The following DST variants were observed in gnomAD, a reference collection of about 807,000 sequenced individuals.
DST encodes the protein dystonin.
In DST, 253 loss-of-function variants were observed where a neutral mutation model predicts 875.2. That is an observed-to-expected ratio of 0.29 (90% confidence interval 0.26 to 0.32). The LOEUF (loss-of-function observed/expected upper bound fraction) is 0.32. DST is among the 10% of genes least tolerant of loss of function. DST has a pLI of 1.00. For missense variants in DST, 8,287 were observed against 9,111.6 expected (o/e 0.91, Z 3.68); for synonymous variants, 3,124 against 3,197.1 (o/e 0.98, Z 0.77).
At chr6:56,862,477 G>C (rs941190655) in intron 3 of DST, among the ~76,000 whole-genome samples, 1 of 152,060 alleles carries the variant, frequency 6.6e-6, no homozygotes, top group African/African-American at 2.4e-5. Flanking sequence ...TGGCAGCAGA[G>C]GCGTCTGGAA....
chr6:56,835,955 C>A (rs996709123), intron 4 of DST, among the ~76,000 whole-genome samples: 7 of 152,152 alleles, frequency 4.6e-5, no homozygotes, highest in African/African-American at 7.2e-5. Context: ...AAAAACAGTT[C>A]TTTTCAAAAT....
intron 50 of DST, among the ~76,000 whole-genome samples, chr6:56,575,312 CA>C (rs1324580513): frequency 2.0e-5 from 3 of 152,082 alleles, no homozygotes; most frequent in Non-Finnish European, 4.4e-5. Flanking sequence ...CAGCATCATA[CA>C]ATATACCTTT....
intron 5 of DST, among the ~76,000 whole-genome samples, chr6:56,732,322 T>C (rs2099502990): frequency 4.6e-5 from 7 of 152,234 alleles, no homozygotes; most frequent in Admixed American, 3.9e-4. Flanking sequence ...TATCCCCCAG[T>C]TATGGCTTTT....
chr6:56,843,480 G>A, intron 4 of DST: 1 of 992,688 alleles, frequency 1.0e-6, no homozygotes, highest in Non-Finnish European at 1.2e-6. Context: ...AGCGGGGCGT[G>A]CGGCGAGGGC....
intron 5 of DST, among the ~76,000 whole-genome samples, chr6:56,726,520 T>C (rs1196683949): frequency 6.6e-6 from 1 of 152,228 alleles, no homozygotes; most frequent in Non-Finnish European, 1.5e-5. Context: ...AACTTCCTAC[T>C]ACCTAGCTAT....
At chr6:56,878,539 C>T (rs1293923819) in intron 3 of DST, among the ~76,000 whole-genome samples, 1 of 151,966 alleles carries the variant, frequency 6.6e-6, no homozygotes, top group Non-Finnish European at 1.5e-5. Context: ...GAAGGAGGGA[C>T]CAAACAGATG....
chr6:56,708,212 T>A (rs578009083), intron 5 of DST, among the ~76,000 whole-genome samples: 51 of 152,316 alleles, frequency 3.3e-4, no homozygotes, highest in African/African-American at 1.2e-3. Flanking sequence ...GGGTTTTTTT[T>A]ATCTTTAAAA....
chr6:56,555,550 G>C lies in DST; in HGVS notation c.14931C>G (p.Ser4977Arg), dbSNP rs1386895536. Reference sequence around the variant, plus strand: ...GTTGGTTCATAGCATCAGGGTGCGTGCTCACAGCCAGACTGCTGCTGAGTT... The same window carrying C: ...GTTGGTTCATAGCATCAGGGTGCGTCCTCACAGCCAGACTGCTGCTGAGTT... The part of the protein sequence containing the change: ...DNKLSSSLAV[S>R]THPDAMNQQL... Residue 4977 changes from serine to arginine, a missense_variant, in exon 60 of 104, where the codon AGC becomes AGG. By Grantham distance (110) the Ser-to-Arg change is moderately radical. Transcript: ENST00000680361. The C allele has an allele frequency of 6.2e-7, 1 of 1,613,862 alleles. No individual in the cohort carries two copies. Among genetic ancestry groups the C allele is most frequent in the African/African-American group, 1.3e-5 (1 of 74,930 alleles).
chr6:56,498,154 A>C, intron 80 of DST, 101 bp from the exon 81 acceptor site: 1 of 1,174,354 alleles, frequency 8.5e-7, no homozygotes, highest in Non-Finnish European at 1.2e-6. Context: ...ATCCTCAAAC[A>C]AAAACGTTAT....
chr6:56,673,978 T>A (rs2099115601), intron 9 of DST, among the ~76,000 whole-genome samples: 1 of 152,230 alleles, frequency 6.6e-6, no homozygotes, highest in Admixed American at 6.5e-5. Context: ...CTTTTCATGA[T>A]ACTATGCAAC....
chr6:56,721,474 C>T (rs368316848), intron 5 of DST, among the ~76,000 whole-genome samples: 3 of 152,140 alleles, frequency 2.0e-5, no homozygotes, highest in African/African-American at 7.2e-5. Flanking sequence ...TAAAGACAGG[C>T]ATAGGAAATT....
intron 2 of DST, among the ~76,000 whole-genome samples, chr6:56,938,108 C>CTCTCTCTCTCTCTCTCTCTATA (rs1383243392): frequency 5.8e-5 from 7 of 120,728 alleles, no homozygotes; most frequent in African/African-American, 2.5e-4. Flanking sequence ...CTCTCTCTCT[C>CTCTCTCTCTCTCTCTCTCTATA]TATATATATA....
intron 87 of DST, 99 bp downstream of exon 87, chr6:56,487,005 G>C: frequency 8.5e-7 from 1 of 1,173,506 alleles, no homozygotes; most frequent in Non-Finnish European, 1.2e-6. Flanking sequence ...TCAGGCAAAG[G>C]AAATATTTAA....
chr6:56,764,097 GCACACACACA>G lies in DST; in HGVS notation c.626-28818_626-28809del, dbSNP rs57134689. 4.9e-5 allele frequency among the ~76,000 whole-genome samples: 7 copies of G among 142,020 alleles called. No homozygotes were observed. The South Asian group carries it at 7.0e-4, about 14-fold the overall frequency. The allele number at this position is 142,020 out of a possible 152,430, so 93.2% of individuals were successfully genotyped here. The stretch of plus-strand genomic sequence containing the variant: ...CAAAACCTTTTCCCAAAGTGCACAT[GCACACACACA>G]CACACACACACACACACACACACAG... On this transcript the variant is annotated intron_variant, in intron 4 of 103. Coordinates refer to ENST00000680361, the MANE Select transcript of DST (RefSeq NM_001374736.1).
At chr6:56,571,968 AC>A (rs2097787581) in intron 53 of DST, 131 bp downstream of exon 53, 1 of 373,408 alleles carries the variant, frequency 2.7e-6, no homozygotes, top group Admixed American at 4.7e-5. Flanking sequence ...AAATATAAAA[AC>A]ATCTATAAAG....
intron 37 of DST, among the ~76,000 whole-genome samples, chr6:56,613,303 T>G (rs1462625305): frequency 6.6e-6 from 1 of 152,190 alleles, no homozygotes; most frequent in African/African-American, 2.4e-5. Flanking sequence ...AGACTATGAC[T>G]GAATACTTCA....
intron 10 of DST, among the ~76,000 whole-genome samples, chr6:56,655,897 TCATATTGAAC>T (rs1459965746): frequency 2.0e-5 from 3 of 152,248 alleles, no homozygotes; most frequent in Non-Finnish European, 4.4e-5. Flanking sequence ...TGCCTATCTC[TCATATTGAAC>T]CATGGGCTTC....
At chr6:56,633,696 C>T (rs1331972915) in intron 27 of DST, among the ~76,000 whole-genome samples, 5 of 151,720 alleles carry the variant, frequency 3.3e-5, no homozygotes, top group Non-Finnish European at 5.9e-5. Flanking sequence ...GACAGGGTTT[C>T]TCCACGTTGG....
At chr6:56,493,442 T>C (rs2095813186) in intron 83 of DST, among the ~76,000 whole-genome samples, 1 of 152,170 alleles carries the variant, frequency 6.6e-6, no homozygotes, top group South Asian at 2.1e-4. Flanking sequence ...ATGAAATACA[T>C]ACTTTATGCT....
Sources: gnomAD v4.1 joint callset for allele counts (sites outside exome capture counted in the v4.1 genomes callset) on GRCh38, gnomAD v4.1.1 for gene constraint, MANE v1.5 for transcripts, NCBI Gene and HGNC (gene_info 2026-07-23, HGNC 2026-07-21) for gene names.